HOXA3: variants seen among roughly 807,000 people sequenced by gnomAD.
The protein encoded by HOXA3 is homeobox protein Hox-A3.
In HOXA3, 8 loss-of-function variants were observed where a neutral mutation model predicts 30.3. The observed-to-expected ratio is 0.26, with a 90% CI of 0.15 to 0.48. The LOEUF is 0.48. HOXA3 is among the 20% of genes least tolerant of loss of function. HOXA3 has a pLI of 0.99. For synonymous variants in HOXA3, 323 were observed against 273.1 expected (o/e 1.18, Z -1.80); for missense variants, 653 against 614.4 (o/e 1.06, Z -0.66).
At chr7:27,124,321 A>G (rs1188614103) in intron 3 of HOXA3, 1 of 152,242 alleles carries the variant, frequency 6.6e-6, no homozygotes, top group African/African-American at 2.4e-5. Flanking sequence ...GTCCTGTGGT[A>G]TCTCTGCAGC....
At chr7:27,141,996 G>A (rs1314626861) in intron 1 of HOXA3, 2 of 1,614,098 alleles carry the variant, frequency 1.2e-6, no homozygotes, top group Admixed American at 1.7e-5. Flanking sequence ...GTCAGGTAAC[G>A]GTTGAAGTGG....
chr7:27,135,488 C>T (rs553494381), intron 2 of HOXA3, among the ~76,000 whole-genome samples: 1 of 152,298 alleles, frequency 6.6e-6, no homozygotes, highest in Non-Finnish European at 1.5e-5. Context: ...AGGGTTTCCA[C>T]TTCCTTCCTT....
At chr7:27,114,845 A>ATATATATAATATATATTATATATATT (rs1491150531) in intron 4 of HOXA3, among the ~76,000 whole-genome samples, 4 of 26,842 alleles carry the variant, frequency 1.5e-4, no homozygotes, top group Non-Finnish European at 2.9e-4. Flanking sequence ...TTATATATAT[A>ATATATATAATATATATTATATATATT]ATATATATTA....
chr7:27,108,135 T>C lies in HOXA3; in HGVS notation c.1112A>G (p.Tyr371Cys). 2 of 1,594,560 alleles carry C rather than the reference T, an allele frequency of 1.3e-6. No homozygotes were observed. Among genetic ancestry groups the C allele is most frequent in the Non-Finnish European group, 1.7e-6 (2 of 1,167,650 alleles). ...QGSPVFVGGS[Y>C]VEPMSNSGPA... ...CCCGGAGTTGCTCATGGGCTCCACA[T>C]AGCTGCCCCCCACGAAGACGGGGCT... Residue 371 changes from tyrosine (Y) to cysteine (C), a missense_variant, in exon 6 of 6, where the codon TAT becomes TGT. Physicochemically the swap from Tyr to Cys is radical, Grantham distance 194 (BLOSUM62 -2). Coordinates refer to ENST00000612286, the MANE Select transcript of HOXA3 (RefSeq NM_153631.3). This position sits in a 1 kb window ranked among gnomAD's most constrained non-coding sequence, Gnocchi z 5.0.
At chr7:27,151,558 C>T in intron 1 of HOXA3, 1 of 456,702 alleles carries the variant, frequency 2.2e-6, no homozygotes, top group Non-Finnish European at 4.4e-6. Flanking sequence ...TTAATCCCAT[C>T]CTCTCCTCCA....
At chr7:27,134,261 T>A (rs1253663209) in intron 2 of HOXA3, 1 of 152,216 alleles carries the variant, frequency 6.6e-6, no homozygotes, top group African/African-American at 2.4e-5. Context: ...TCTTTGGGGA[T>A]AATTTTCTTG....
At chr7:27,111,862 A>G (rs944027869) in intron 4 of HOXA3, among the ~76,000 whole-genome samples, 2 of 152,162 alleles carry the variant, frequency 1.3e-5, no homozygotes, top group Admixed American at 6.5e-5. Context: ...AGAAACTGCT[A>G]TGTAATTTGA....
chr7:27,108,770 G>T lies in HOXA3; in HGVS notation c.527-50C>A. 2 of 1,349,636 alleles carry T rather than the reference G, an allele frequency of 1.5e-6. No homozygotes were observed. The highest frequency in any genetic ancestry group is 2.6e-5 in the East Asian group (1 of 37,970). The allele number at this position is 1,349,636 out of a possible 1,614,324, so 83.6% of individuals were successfully genotyped here. On this transcript the variant is annotated intron_variant, in intron 5 of 5. Coordinates refer to ENST00000612286, the MANE Select transcript of HOXA3 (RefSeq NM_153631.3). The surrounding 1 kb of genome is among the most constrained non-coding windows in gnomAD (Gnocchi z 5.0). Reference sequence around the variant, plus strand: ...CGGCGTCAGGGGCTGCCGCGGCCCCGCCCAGCCCCTGACCCAGCCCGGCCC... The same window carrying T: ...CGGCGTCAGGGGCTGCCGCGGCCCCTCCCAGCCCCTGACCCAGCCCGGCCC...
chr7:27,117,055 T>TA (rs1784761772), intron 4 of HOXA3, among the ~76,000 whole-genome samples: 1 of 152,162 alleles, frequency 6.6e-6, no homozygotes, highest in African/African-American at 2.4e-5. Flanking sequence ...AGGAGCATAA[T>TA]AGAGTTTCCT....
At chr7:27,141,872 A>C in intron 1 of HOXA3, 1 of 1,614,218 alleles carries the variant, frequency 6.2e-7, no homozygotes, top group Non-Finnish European at 8.5e-7. Flanking sequence ...GGCCATGCTC[A>C]TGCTTTTCAG....
chr7:27,126,016 C>T (rs1785266468), intron 3 of HOXA3, among the ~76,000 whole-genome samples: 1 of 152,154 alleles, frequency 6.6e-6, no homozygotes, highest in Admixed American at 6.5e-5. Flanking sequence ...TTCCCTCCTC[C>T]CCCATCTATC....
At position 27,112,327 on chromosome 7, in the gene HOXA3, T is replaced by C. The variant is rs1784424462; in HGVS notation, c.-120-1567A>G. ...TTTCCAGGAATATTAGATGCTTTGT[T>C]AACTAGAAAAAAAAAGATAATGTAT... On this transcript the variant is annotated intron_variant, in intron 4 of 5. Transcript: ENST00000612286. Among the ~76,000 whole-genome samples the C allele has an allele frequency of 5.3e-5, 8 of 152,168 alleles. No homozygotes were observed. The South Asian group carries it at 1.4e-3, about 28-fold the overall frequency.
chr7:27,134,686 T>C (rs1785662508), intron 2 of HOXA3, among the ~76,000 whole-genome samples: 1 of 152,142 alleles, frequency 6.6e-6, no homozygotes, highest in South Asian at 2.1e-4. Flanking sequence ...CAAACCCCCA[T>C]TTGGCTTCAA....
At chr7:27,145,940 G>T (rs548820240) in intron 1 of HOXA3, 43 of 1,603,710 alleles carry the variant, frequency 2.7e-5, no homozygotes, top group Non-Finnish European at 3.4e-5. Context: ...ACGGCCGGGC[G>T]CCGGTAAGCC....
intron 1 of HOXA3, among the ~76,000 whole-genome samples, chr7:27,145,203 G>A (rs1451653990): frequency 1.3e-5 from 2 of 152,184 alleles, no homozygotes; most frequent in Non-Finnish European, 2.9e-5. Flanking sequence ...GATGCCCTTC[G>A]GGACTTACTG....
At chr7:27,147,052 A>G (rs1479007820) in intron 1 of HOXA3, 2 of 554,468 alleles carry the variant, frequency 3.6e-6, no homozygotes, top group Non-Finnish European at 6.4e-6. Context: ...CACAGGTCTC[A>G]TATACGTGCC....
At chr7:27,138,305 G>T (rs1311246768) in intron 2 of HOXA3, among the ~76,000 whole-genome samples, 1 of 152,182 alleles carries the variant, frequency 6.6e-6, no homozygotes, top group East Asian at 1.9e-4. Flanking sequence ...AACTTTCTAG[G>T]TTTTGCTTTC....
chr7:27,121,213 CTGTGTGCGTGTGTGTGTGTG>C (rs570697896), intron 4 of HOXA3: 13,730 of 119,434 alleles, frequency 0.11, 746 homozygotes, highest in African/African-American at 0.17. Context: ...TCTTAGCCCA[CTGTGTGCGTGTGTGTGTGTG>C]TGTGTGTGTG....
intron 4 of HOXA3, among the ~76,000 whole-genome samples, chr7:27,111,399 T>G (rs1367051194): frequency 6.6e-6 from 1 of 152,168 alleles, no homozygotes; most frequent in African/African-American, 2.4e-5. Context: ...TTAATCCACC[T>G]TGTTGGGGAT....
Sources: gnomAD v4.1 joint callset for allele counts (sites outside exome capture counted in the v4.1 genomes callset) on GRCh38, gnomAD v4.1.1 for gene constraint, Gnocchi (gnomAD v3.1) non-coding constraint, MANE v1.5 for transcripts, NCBI Gene and HGNC (gene_info 2026-07-23, HGNC 2026-07-21) for gene names.